GALNTL6: variants seen among roughly 807,000 people sequenced by gnomAD.
The protein encoded by GALNTL6 is polypeptide N-acetylgalactosaminyltransferase-like 6.
In GALNTL6, 46 loss-of-function variants were observed where a neutral mutation model predicts 73.7. The ratio of observed to expected loss-of-function variants is 0.62; its 90% CI spans 0.49 to 0.80. The LOEUF is 0.80. GALNTL6 is among the 30% of genes least tolerant of loss of function. GALNTL6 has a pLI of 0.00. For missense variants in GALNTL6, 604 were observed against 755.0 expected, an observed-to-expected ratio of 0.80 and a Z score of 2.34; for synonymous variants, 259 against 263.7, an observed-to-expected ratio of 0.98 and a Z score of 0.17.
chr4:172,480,525 G>A (rs2111480724), intron 5 of GALNTL6, among the ~76,000 whole-genome samples: 1 of 152,234 alleles, frequency 6.6e-6, no homozygotes, highest in South Asian at 2.1e-4. Context: ...CAAAATACTA[G>A]GGATCATACA....
At chr4:172,548,446 C>T (rs984039655) in intron 5 of GALNTL6, among the ~76,000 whole-genome samples, 18 of 152,264 alleles carry the variant, frequency 1.2e-4, no homozygotes, top group Middle Eastern at 3.4e-3. Context: ...TAGGAATGCA[C>T]ATTGTCAATG....
At chr4:172,014,152 T>G (rs1279010867) in intron 2 of GALNTL6, among the ~76,000 whole-genome samples, 1 of 152,102 alleles carries the variant, frequency 6.6e-6, no homozygotes. Flanking sequence ...TCCAAACCTT[T>G]GCTATCATGA....
intron 2 of GALNTL6, among the ~76,000 whole-genome samples, chr4:172,178,862 G>C (rs1247329199): frequency 8.7e-6 from 1 of 114,412 alleles, no homozygotes; most frequent in Non-Finnish European, 1.7e-5. Context: ...GTGTCCATGT[G>C]ATCTCATTGT....
At chr4:172,727,840 A>T (rs1318140280) in intron 5 of GALNTL6, among the ~76,000 whole-genome samples, 1 of 151,718 alleles carries the variant, frequency 6.6e-6, no homozygotes, top group Non-Finnish European at 1.5e-5. Flanking sequence ...TATTTAAATT[A>T]TTTTAATATT....
intron 10 of GALNTL6, among the ~76,000 whole-genome samples, chr4:172,954,917 G>A (rs545329244): frequency 5.9e-5 from 9 of 152,210 alleles, no homozygotes; most frequent in Admixed American, 3.3e-4. Context: ...GAATTTGTTC[G>A]GTGAAGATGT....
chr4:172,434,355 A>C (rs1731562112), intron 5 of GALNTL6, among the ~76,000 whole-genome samples: 1 of 152,142 alleles, frequency 6.6e-6, no homozygotes, highest in African/African-American at 2.4e-5. Context: ...CAAGTGAAGT[A>C]TAGTTGACAC....
At position 172,992,346 on chromosome 4, in the gene GALNTL6, A is replaced by G. The variant is rs535723047; in HGVS notation, c.1372-16832A>G. Among the ~76,000 whole-genome samples, 5 of 152,344 alleles carry G rather than the reference A, an allele frequency of 3.3e-5. No individual in the cohort carries two copies. The Middle Eastern group carries it at 0.017, about 518-fold the overall frequency. The stretch of plus-strand genomic sequence containing the variant: ...TGTGTAACTTTAAAGCCTCTAGTAA[A>G]TACAGTATCTGAACTGCCTAATTTA... On this transcript the variant is annotated intron_variant, in intron 10 of 12. Coordinates refer to ENST00000506823, the MANE Select transcript of GALNTL6 (RefSeq NM_001034845.3).
intron 5 of GALNTL6, among the ~76,000 whole-genome samples, chr4:172,375,448 G>A (rs1011205422): frequency 1.6e-4 from 25 of 152,122 alleles, no homozygotes; most frequent in Admixed American, 5.2e-4. Flanking sequence ...GCCTCTTGAT[G>A]CCTGAGTGTT....
At chr4:172,410,941 CTAAA>C (rs1744411389) in intron 5 of GALNTL6, among the ~76,000 whole-genome samples, 1 of 152,026 alleles carries the variant, frequency 6.6e-6, no homozygotes, top group Non-Finnish European at 1.5e-5. Flanking sequence ...TATTATGGAA[CTAAA>C]TAAATGCAAG....
At chr4:172,158,436 A>T (rs76334156) in intron 2 of GALNTL6, among the ~76,000 whole-genome samples, 1 of 152,240 alleles carries the variant, frequency 6.6e-6, no homozygotes, top group Non-Finnish European at 1.5e-5. Flanking sequence ...ACAGCTAGCA[A>T]ACTTTTCCCT....
At chr4:171,965,755 T>C (rs1739367222) in intron 2 of GALNTL6, among the ~76,000 whole-genome samples, 1 of 152,044 alleles carries the variant, frequency 6.6e-6, no homozygotes, top group Non-Finnish European at 1.5e-5. Flanking sequence ...ATTTTTTCTA[T>C]CTAAAAAGAA....
At chr4:171,932,869 G>A (rs540007580) in intron 2 of GALNTL6, among the ~76,000 whole-genome samples, 1 of 152,154 alleles carries the variant, frequency 6.6e-6, no homozygotes, top group Non-Finnish European at 1.5e-5. Flanking sequence ...CAGGGATCCG[G>A]AATGTGTATC....
chr4:171,820,341 C>T (rs1301352151), intron 2 of GALNTL6, among the ~76,000 whole-genome samples: 1 of 152,112 alleles, frequency 6.6e-6, no homozygotes, highest in Non-Finnish European at 1.5e-5. Context: ...TCAATGTTTC[C>T]ACCAAGGTTT....
At chr4:171,868,962 T>C (rs894670656) in intron 2 of GALNTL6, among the ~76,000 whole-genome samples, 20 of 152,350 alleles carry the variant, frequency 1.3e-4, no homozygotes, top group Admixed American at 3.3e-4. Flanking sequence ...ATTACAGGCA[T>C]GAGCCACCGT....
chr4:172,869,208 A>C (rs1401047032), intron 7 of GALNTL6, among the ~76,000 whole-genome samples: 1 of 152,240 alleles, frequency 6.6e-6, no homozygotes, highest in African/African-American at 2.4e-5. Flanking sequence ...ATTTCTGGCC[A>C]CTAGTAAGTT....
At chr4:172,502,058 C>T (rs1579134714) in intron 5 of GALNTL6, among the ~76,000 whole-genome samples, 1 of 152,222 alleles carries the variant, frequency 6.6e-6, no homozygotes, top group East Asian at 1.9e-4. Context: ...TGTTTGTTAG[C>T]GACCACAAAT....
intron 2 of GALNTL6, among the ~76,000 whole-genome samples, chr4:171,944,831 T>C (rs1199369875): frequency 6.6e-6 from 1 of 152,058 alleles, no homozygotes; most frequent in Non-Finnish European, 1.5e-5. Context: ...AAATCTCACC[T>C]GTACTTAATA....
chr4:171,865,540 T>C (rs1735948111), intron 2 of GALNTL6, among the ~76,000 whole-genome samples: 2 of 152,370 alleles, frequency 1.3e-5, no homozygotes, highest in African/African-American at 2.4e-5. Flanking sequence ...TTTAGAGCTG[T>C]AGAAATTTAA....
At chr4:172,311,578 T>C (rs1352043262) in intron 3 of GALNTL6, 36 bp from the exon 4 acceptor site, 2 of 1,569,110 alleles carry the variant, frequency 1.3e-6, no homozygotes, top group African/African-American at 1.4e-5. Context: ...ATGGCTTTTA[T>C]AGAGATGATA....
Sources: allele counts gnomAD v4.1 joint callset (sites outside exome capture counted in the v4.1 genomes callset), GRCh38; gene constraint gnomAD v4.1.1; transcripts MANE v1.5; gene names NCBI Gene and HGNC (gene_info 2026-07-23, HGNC 2026-07-21).